PPM1E: variants seen among roughly 807,000 people sequenced by gnomAD.
PPM1E encodes the protein protein phosphatase 1E.
PPM1E carries 20 observed loss-of-function variants against 65.9 expected under a neutral mutation model. The ratio of observed to expected loss-of-function variants is 0.30; its 90% CI spans 0.21 to 0.44. PPM1E has a LOEUF of 0.44. PPM1E is among the 20% of genes least tolerant of loss of function. The pLI, the probability that PPM1E is intolerant of heterozygous loss-of-function variation, is 1.00. For missense variants in PPM1E, 713 were observed against 953.1 expected (o/e 0.75, Z 3.32); for synonymous variants, 352 against 374.9 (o/e 0.94, Z 0.70).
intron 1 of PPM1E, among the ~76,000 whole-genome samples, chr17:58,885,444 C>T (rs2051254456): frequency 6.6e-6 from 1 of 152,110 alleles, no homozygotes; most frequent in African/African-American, 2.4e-5. Context: ...GTCCGATGAC[C>T]TTTGGTAGTT....
chr17:58,974,197 A>G (rs2030850657), intron 6 of PPM1E, among the ~76,000 whole-genome samples: 1 of 152,174 alleles, frequency 6.6e-6, no homozygotes, highest in Non-Finnish European at 1.5e-5. Flanking sequence ...TATTTTTCAG[A>G]GAATGGAAGC....
chr17:58,831,335 T>G (rs2143178210), intron 1 of PPM1E, among the ~76,000 whole-genome samples: 1 of 152,344 alleles, frequency 6.6e-6, no homozygotes, highest in Middle Eastern at 3.4e-3. Flanking sequence ...TTTTAGACTC[T>G]TCTCTTTAGC....
intron 1 of PPM1E, among the ~76,000 whole-genome samples, chr17:58,816,475 ACCACC>A (rs143879856): frequency 0.016 from 2,444 of 151,600 alleles, 37 homozygotes; most frequent in South Asian, 0.042. Context: ...TGTAATCATC[ACCACC>A]ATCCATCTCC....
At chr17:58,935,960 A>C (rs1056393450) in intron 1 of PPM1E, among the ~76,000 whole-genome samples, 14 of 151,138 alleles carry the variant, frequency 9.3e-5, no homozygotes, top group African/African-American at 3.4e-4. Flanking sequence ...TCCTAATGCT[A>C]TCTCTCCCCC....
chr17:58,810,629 TTTCACC>T (rs1451534889), intron 1 of PPM1E, among the ~76,000 whole-genome samples: 3 of 152,240 alleles, frequency 2.0e-5, no homozygotes, highest in Non-Finnish European at 2.9e-5. Flanking sequence ...TGCCCCAGCC[TTTCACC>T]TTATGGTTTT....
At chr17:58,801,540 C>G (rs981644172) in intron 1 of PPM1E, among the ~76,000 whole-genome samples, 2 of 136,254 alleles carry the variant, frequency 1.5e-5, no homozygotes, top group African/African-American at 5.5e-5. Context: ...CTCCCTGGTT[C>G]AAGTGATTCT....
chr17:58,861,935 AT>A (rs1327182381), intron 1 of PPM1E, among the ~76,000 whole-genome samples: 6 of 147,138 alleles, frequency 4.1e-5, no homozygotes. Context: ...TAAAAAAAAA[AT>A]ACATAAATAA....
intron 1 of PPM1E, among the ~76,000 whole-genome samples, chr17:58,869,388 C>A (rs1314471821): frequency 6.6e-6 from 1 of 152,142 alleles, no homozygotes; most frequent in African/African-American, 2.4e-5. Flanking sequence ...CTCATGGGGG[C>A]AGATCATTTG....
At chr17:58,943,703 A>G (rs1281256959) in intron 1 of PPM1E, among the ~76,000 whole-genome samples, 2 of 152,186 alleles carry the variant, frequency 1.3e-5, no homozygotes, top group Non-Finnish European at 2.9e-5. Flanking sequence ...AGGCTTATTG[A>G]GTCAGAAACT....
intron 1 of PPM1E, among the ~76,000 whole-genome samples, chr17:58,896,640 G>T (rs1430182074): frequency 1.3e-5 from 2 of 152,070 alleles, no homozygotes; most frequent in Admixed American, 6.6e-5. Context: ...GCAGAGGTTG[G>T]TACATGAGGT....
At chr17:58,937,514 G>A (rs765749398) in intron 1 of PPM1E, among the ~76,000 whole-genome samples, 5 of 147,754 alleles carry the variant, frequency 3.4e-5, no homozygotes, top group African/African-American at 5.0e-5. Flanking sequence ...CACCCGCCTC[G>A]GCCTCCCAAA....
Position 58,769,173 on chromosome 17 carries a change from A to G in PPM1E, c.464+12712A>G, listed in dbSNP as rs530612755. On this transcript the variant is annotated intron_variant, in intron 1 of 6. Coordinates refer to ENST00000308249, the MANE Select transcript of PPM1E (RefSeq NM_014906.5). Reference sequence around the variant, plus strand: ...TCTTGCAATCTGTTTAAATTTTTCAATTTCATTACTAATTATTTAAATAGC... The same window carrying G: ...TCTTGCAATCTGTTTAAATTTTTCAGTTTCATTACTAATTATTTAAATAGC... Among the ~76,000 whole-genome samples the G allele has an allele frequency of 3.3e-5, 5 of 152,248 alleles. No homozygotes were observed. In the South Asian group the frequency reaches 8.3e-4, roughly 25 times the overall value.
intron 1 of PPM1E, among the ~76,000 whole-genome samples, chr17:58,946,554 A>G (rs2052153925): frequency 1.3e-5 from 2 of 152,110 alleles, no homozygotes; most frequent in Admixed American, 6.5e-5. Flanking sequence ...CTCTGGGCTT[A>G]AAGCGATCTT....
chr17:58,981,247 T>G lies in PPM1E; in HGVS notation c.*216T>G. The G allele has an allele frequency of 5.9e-6, 3 of 508,136 alleles. No homozygotes were observed. Among genetic ancestry groups the G allele is most frequent in the Admixed American group, 3.7e-5 (1 of 26,876 alleles). 31.5% of individuals were successfully genotyped at this position (508,136 alleles called of 1,614,324 possible). On this transcript the variant is annotated 3_prime_UTR_variant, in exon 7 of 7. Coordinates refer to ENST00000308249, the MANE Select transcript of PPM1E (RefSeq NM_014906.5). ...TTCACTTGCAAAATTACACAGCTGG[T>G]CCCTGTGATGTGTCTCGACACCAAT...
intron 1 of PPM1E, among the ~76,000 whole-genome samples, chr17:58,797,269 T>C (rs2050215786): frequency 1.3e-5 from 2 of 152,246 alleles, no homozygotes; most frequent in Non-Finnish European, 1.5e-5. Flanking sequence ...TTAATTGTGC[T>C]ATTTGATGAA....
chr17:58,766,792 A>C (rs2049884619), intron 1 of PPM1E, among the ~76,000 whole-genome samples: 1 of 152,130 alleles, frequency 6.6e-6, no homozygotes, highest in Non-Finnish European at 1.5e-5. Context: ...AAGTTCTGAG[A>C]TTTGATTTCT....
intron 1 of PPM1E, among the ~76,000 whole-genome samples, chr17:58,839,829 T>C (rs1306881409): frequency 6.6e-6 from 1 of 152,180 alleles, no homozygotes; most frequent in Admixed American, 6.5e-5. Flanking sequence ...GAACAGCTCA[T>C]ATATAGTTAG....
chr17:58,815,828 A>G lies in PPM1E; in HGVS notation c.464+59367A>G, dbSNP rs552567686. Among the ~76,000 whole-genome samples the G allele has an allele frequency of 6.6e-4, 100 of 152,080 alleles. 6 individuals carry two copies. In the South Asian group the frequency reaches 0.021, roughly 32 times the overall value. ...TTTCCCACTCTTAATGATAAGAGAG[A>G]TTTTTTATAGTTGTCATTTTAACTG... On this transcript the variant is annotated intron_variant, in intron 1 of 6. Transcript: ENST00000308249.
At chr17:58,890,543 T>C (rs2051332164) in intron 1 of PPM1E, among the ~76,000 whole-genome samples, 1 of 152,154 alleles carries the variant, frequency 6.6e-6, no homozygotes, top group Admixed American at 6.5e-5. Flanking sequence ...AAGTATTGAC[T>C]TAGGGGTTAC....
Sources: allele counts gnomAD v4.1 joint callset (sites outside exome capture counted in the v4.1 genomes callset), GRCh38; gene constraint gnomAD v4.1.1; transcripts MANE v1.5; gene names NCBI Gene and HGNC (gene_info 2026-07-23, HGNC 2026-07-21).